UNC5D: variants seen among roughly 807,000 people sequenced by gnomAD.
The protein encoded by UNC5D is netrin receptor UNC5D.
Under a neutral mutation model 105.4 loss-of-function variants are expected in UNC5D, and 39 were observed. The ratio of observed to expected loss-of-function variants is 0.37; its 90% CI spans 0.29 to 0.48. The LOEUF (loss-of-function observed/expected upper bound fraction) is 0.48. Among genes scored for constraint, UNC5D ranks in the 20% least tolerant of loss-of-function variants. The pLI is 0.98. For missense variants in UNC5D, 991 were observed against 1,202.4 expected (o/e 0.82, Z 2.60); for synonymous variants, 452 against 450.4 (o/e 1.00, Z -0.04).
chr8:35,275,621 C>T (rs1805722457), intron 1 of UNC5D, among the ~76,000 whole-genome samples: 2 of 152,182 alleles, frequency 1.3e-5, no homozygotes, highest in South Asian at 4.1e-4. Flanking sequence ...TTTTGACAAG[C>T]ATGGCTTGCC....
chr8:35,431,808 C>T (rs1377786414), intron 1 of UNC5D, among the ~76,000 whole-genome samples: 2 of 152,008 alleles, frequency 1.3e-5, no homozygotes, highest in African/African-American at 4.8e-5. Context: ...GTTTGCTTTC[C>T]AAACCTAATA....
chr8:35,260,263 A>G (rs147088946), intron 1 of UNC5D, among the ~76,000 whole-genome samples: 1,936 of 152,200 alleles, frequency 0.013, 18 homozygotes, highest in Non-Finnish European at 0.02. Flanking sequence ...CACCTGACAT[A>G]CAGTAGACAC....
At chr8:35,575,885 A>G (rs1818054426) in intron 3 of UNC5D, among the ~76,000 whole-genome samples, 2 of 152,158 alleles carry the variant, frequency 1.3e-5, no homozygotes. Context: ...CCGGTAAAAA[A>G]AAAAATGAGT....
chr8:35,479,283 A>G (rs1810319867), intron 1 of UNC5D, among the ~76,000 whole-genome samples: 2 of 152,132 alleles, frequency 1.3e-5, no homozygotes, highest in South Asian at 2.1e-4. Context: ...AGAGAAGGAA[A>G]ACAAAGGAAT....
rs73674015 is a variant in UNC5D, at chr8:35,536,135, C to A, written c.104-13157C>A. Among the ~76,000 whole-genome samples, 135 of 152,324 alleles carry A rather than the reference C, an allele frequency of 8.9e-4. 1 individual carries two copies. Among genetic ancestry groups the A allele is most frequent in the African/African-American group, 2.7e-3 (114 of 41,574 alleles). ...AATACAACTTGGTATAAATCTGTTT[C>A]TGACTGTGTCTAGCATCTTCTCCAA... On this transcript the variant is annotated intron_variant, in intron 1 of 16. Transcript: ENST00000404895.
intron 4 of UNC5D, among the ~76,000 whole-genome samples, chr8:35,600,205 T>C (rs1473743011): frequency 6.6e-6 from 1 of 152,218 alleles, no homozygotes; most frequent in Admixed American, 6.5e-5. Flanking sequence ...TTTATCATTG[T>C]TGGACATTTG....
rs568290435 is a variant in UNC5D at position 35,243,556 on chromosome 8, C to T, written c.103+7669C>T. Among the ~76,000 whole-genome samples the T allele has an allele frequency of 5.3e-5, 8 of 152,236 alleles. No individual in the cohort carries two copies. The South Asian group carries it at 6.2e-4, about 12-fold the overall frequency. On this transcript the variant is annotated intron_variant, in intron 1 of 16. Coordinates refer to ENST00000404895, the MANE Select transcript of UNC5D (RefSeq NM_080872.4). The stretch of plus-strand genomic sequence containing the variant: ...TCTAACTTTCTGTAGCACTCTTTCA[C>T]GTTATTCTCTTGGCAGGAGCTACAT...
At chr8:35,457,794 T>TCTTA (rs1419850030) in intron 1 of UNC5D, among the ~76,000 whole-genome samples, 3 of 152,156 alleles carry the variant, frequency 2.0e-5, no homozygotes, top group African/African-American at 7.2e-5. Flanking sequence ...GGACACTAGA[T>TCTTA]CTTACTTTCC....
chr8:35,695,421 A>C (rs1402101296), intron 7 of UNC5D, among the ~76,000 whole-genome samples: 4 of 152,178 alleles, frequency 2.6e-5, no homozygotes, highest in Non-Finnish European at 5.9e-5. Context: ...GCTATTCTGG[A>C]GGCTGAGGCA....
intron 3 of UNC5D, among the ~76,000 whole-genome samples, chr8:35,589,740 G>A (rs1258281121): frequency 3.9e-5 from 6 of 152,010 alleles, no homozygotes; most frequent in East Asian, 1.9e-4. Flanking sequence ...TCATATAAAC[G>A]AATCATACAA....
chr8:35,352,552 AG>A (rs1812309708), intron 1 of UNC5D, among the ~76,000 whole-genome samples: 1 of 152,176 alleles, frequency 6.6e-6, no homozygotes, highest in African/African-American at 2.4e-5. Flanking sequence ...TTCATTAATA[AG>A]GTCTTAGAAG....
chr8:35,626,208 T>A (rs993833329), intron 4 of UNC5D, among the ~76,000 whole-genome samples: 2 of 151,546 alleles, frequency 1.3e-5, no homozygotes, highest in Non-Finnish European at 2.9e-5. Context: ...TTTTTTTTTT[T>A]AAAGGTAAGG....
At chr8:35,236,027 G>C in intron 1 of UNC5D, 140 bp downstream of exon 1, 2 of 715,658 alleles carry the variant, frequency 2.8e-6, no homozygotes, top group Non-Finnish European at 3.8e-6. Flanking sequence ...GATGGGAGCC[G>C]AGTGGAGGAC....
intron 1 of UNC5D, among the ~76,000 whole-genome samples, chr8:35,518,777 T>A (rs1414365100): frequency 6.6e-6 from 1 of 152,178 alleles, no homozygotes. Flanking sequence ...TAGGAAGACG[T>A]GGTCAAAGGA....
chr8:35,280,755 G>A (rs1429014211), intron 1 of UNC5D, among the ~76,000 whole-genome samples: 1 of 152,090 alleles, frequency 6.6e-6, no homozygotes, highest in Non-Finnish European at 1.5e-5. Flanking sequence ...TTTAGCCTTA[G>A]TTTTCTCTTG....
chr8:35,250,375 C>G (rs939462943), intron 1 of UNC5D, among the ~76,000 whole-genome samples: 10 of 152,064 alleles, frequency 6.6e-5, no homozygotes, highest in Non-Finnish European at 1.2e-4. Context: ...ATAATTTCAA[C>G]TTATATTTTA....
At chr8:35,266,199 C>T (rs532747625) in intron 1 of UNC5D, among the ~76,000 whole-genome samples, 14 of 152,172 alleles carry the variant, frequency 9.2e-5, no homozygotes, top group African/African-American at 1.9e-4. Context: ...GGAGCTTATT[C>T]GAGGTTTCTT....
At chr8:35,439,162 A>G (rs552697087) in intron 1 of UNC5D, among the ~76,000 whole-genome samples, 38 of 152,144 alleles carry the variant, frequency 2.5e-4, no homozygotes, top group African/African-American at 7.2e-4. Flanking sequence ...AAAGTACTTA[A>G]AATAGTGCCT....
Position 35,435,600 on chromosome 8 carries a change from C to CA in UNC5D, c.104-113685dup, listed in dbSNP as rs369185833. On this transcript the variant is annotated intron_variant, in intron 1 of 16. Coordinates refer to ENST00000404895, the MANE Select transcript of UNC5D (RefSeq NM_080872.4). Reference sequence around the variant, plus strand: ...ATATGAAACAATGTAAGAATTCATTCAAAAAAATGTAAAGCTTTTTTGGAG... The same window carrying CA: ...ATATGAAACAATGTAAGAATTCATTCAAAAAAAATGTAAAGCTTTTTTGGAG... 1.7e-4 allele frequency among the ~76,000 whole-genome samples: 26 copies of CA among 151,936 alleles called. No individual in the cohort carries two copies. The East Asian group carries it at 4.1e-3, about 24-fold the overall frequency.
Sources: allele counts gnomAD v4.1 joint callset (sites outside exome capture counted in the v4.1 genomes callset), GRCh38; gene constraint gnomAD v4.1.1; transcripts MANE v1.5; gene names NCBI Gene and HGNC (gene_info 2026-07-23, HGNC 2026-07-21).